MMRN2: variants seen among roughly 807,000 people sequenced by gnomAD.
The protein encoded by MMRN2 is multimerin-2.
Under a neutral mutation model 68.8 loss-of-function variants are expected in MMRN2, and 53 were observed. That is an observed-to-expected ratio of 0.77 (90% CI 0.62 to 0.97). The LOEUF (loss-of-function observed/expected upper bound fraction) is 0.97, where lower values mean the gene tolerates loss of function less well. MMRN2 is among the 50% of genes least tolerant of loss of function. The pLI, the probability that MMRN2 is intolerant of heterozygous loss-of-function variation, is 0.00. For missense variants in MMRN2, 1,266 were observed against 1,259.5 expected, an observed-to-expected ratio of 1.01 and a Z score of -0.08; for synonymous variants, 564 against 551.6, an observed-to-expected ratio of 1.02 and a Z score of -0.32.
chr10:86,945,920 C>G (rs557262791), intron 1 of MMRN2: 1 of 1,238,906 alleles, frequency 8.1e-7, no homozygotes, highest in Non-Finnish European at 1.1e-6. Context: ...GAAGCCTCCC[C>G]GAGCCAGCAG....
chr10:86,939,160 CAAAAA>C (rs71019439), intron 6 of MMRN2, among the ~76,000 whole-genome samples: 19 of 96,478 alleles, frequency 2.0e-4, no homozygotes, highest in Non-Finnish European at 2.8e-4. Context: ...GAAACTCCGT[CAAAAA>C]AAAAAAAAAA....
Position 86,936,374 on chromosome 10 carries a change from GAA to G in MMRN2, c.*367_*368del. 1 of 438,936 alleles carries G rather than the reference GAA, an allele frequency of 2.3e-6. No homozygotes were observed. Among genetic ancestry groups the G allele is most frequent in the South Asian group, 8.4e-5 (1 of 11,880 alleles). 27.2% of individuals were successfully genotyped at this position (438,936 alleles called of 1,614,324 possible). On this transcript the variant is annotated 3_prime_UTR_variant, in exon 7 of 7. Coordinates refer to ENST00000372027, the MANE Select transcript of MMRN2 (RefSeq NM_024756.3). ...AGGGAGAAGAGAAGAGGAAGCAAGA[GAA>G]AAGTTTAAAGTGTTGTACAGAAGTT...
intron 1 of MMRN2, chr10:86,949,059 C>T (rs1844109057): frequency 6.6e-6 from 1 of 152,202 alleles, no homozygotes; most frequent in African/African-American, 2.4e-5. Flanking sequence ...TACATCAAAA[C>T]ATGTCATATG....
chr10:86,957,314 G>C, intron 1 of MMRN2, 64 bp downstream of exon 1: 1 of 1,555,322 alleles, frequency 6.4e-7, no homozygotes, highest in Non-Finnish European at 8.9e-7. Context: ...GAGAGGCTCT[G>C]CTCTAGCTGA....
Position 86,936,304 on chromosome 10 carries a change from T to C in MMRN2, c.*439A>G, listed in dbSNP as rs1843877288. ...ATGTTGGCCAAAATGTTGCCTCCAT[T>C]TTAAACATTCCTCCTGGGGAAGAAT... On this transcript the variant is annotated 3_prime_UTR_variant, in exon 7 of 7. Transcript: ENST00000372027. 1 of 421,936 alleles carries C rather than the reference T, an allele frequency of 2.4e-6. No homozygotes were observed. Among genetic ancestry groups the C allele is most frequent in the Non-Finnish European group, 4.2e-6 (1 of 239,670 alleles). 26.1% of individuals were successfully genotyped at this position (421,936 alleles called of 1,614,324 possible). A position where few individuals can be genotyped will look rare whatever the true frequency, so the allele number is the denominator to read the frequency against.
chr10:86,941,131 T>C (rs1294085683), intron 6 of MMRN2, among the ~76,000 whole-genome samples: 1 of 152,188 alleles, frequency 6.6e-6, no homozygotes, highest in East Asian at 1.9e-4. Context: ...GATGGGCCAT[T>C]GTGGTAAAGC....
rs1232951051 is a variant in MMRN2, at chr10:86,943,087, C to T, written c.1697G>A (p.Ser566Asn). The T allele has an allele frequency of 6.3e-5, 92 of 1,449,114 alleles. No individual in the cohort carries two copies. Among genetic ancestry groups the T allele is most frequent in the Non-Finnish European group, 8.2e-5 (91 of 1,110,256 alleles). The allele number at this position is 1,449,114 out of a possible 1,614,324, so 89.8% of individuals were successfully genotyped here. The change falls in exon 6 of 7, where the codon AGC becomes AAC. Residue 566 changes from serine (S) to asparagine (N), a missense_variant. Ser to Asn is a conservative substitution (Grantham distance 46). Coordinates refer to ENST00000372027, the MANE Select transcript of MMRN2 (RefSeq NM_024756.3). The surrounding 1 kb of genome is among the most constrained non-coding windows in gnomAD (Gnocchi z 4.2). Reference protein sequence around the residue: ...RARAATSRLRSQVQALDDEVG... With the variant: ...RARAATSRLRNQVQALDDEVG... Reference sequence around the variant, plus strand: ...CTCGTCATCCAGCGCCTGCACTTGGCTCCGGAGCCGCGACGTGGCCGCCCG... The same window carrying T: ...CTCGTCATCCAGCGCCTGCACTTGGTTCCGGAGCCGCGACGTGGCCGCCCG...
chr10:86,950,627 G>A (rs1844133863), intron 1 of MMRN2, among the ~76,000 whole-genome samples: 1 of 152,160 alleles, frequency 6.6e-6, no homozygotes. Flanking sequence ...GAACACACCT[G>A]GAGGCTCTGG....
intron 1 of MMRN2, among the ~76,000 whole-genome samples, chr10:86,946,836 C>T (rs1027924709): frequency 9.2e-5 from 14 of 152,152 alleles, no homozygotes; most frequent in Non-Finnish European, 1.9e-4. Flanking sequence ...CCAGGGAGAG[C>T]GGGCACTCTT....
intron 6 of MMRN2, among the ~76,000 whole-genome samples, chr10:86,939,497 T>A (rs1434709905): frequency 3.6e-4 from 49 of 135,426 alleles, no homozygotes; most frequent in African/African-American, 1.3e-3. Context: ...AAAAAAAGAT[T>A]GTGCCCAAGT....
Position 86,957,494 on chromosome 10 carries a change from C to T in MMRN2, c.48G>A (p.Gly16=), listed in dbSNP as rs773902733. The change falls in exon 1 of 7, where the codon GGG becomes GGA. Residue 16 remains glycine (G), a synonymous_variant. Coordinates refer to ENST00000372027, the MANE Select transcript of MMRN2 (RefSeq NM_024756.3). ...AAGCCTGGGCCCATGCCCCCAGCAG[C>T]CCCCAGCCCAGGGGGCCCCCAAGGC... ...LFSLGGPLGW[G]LLGAWAQASS... is the part of the protein sequence containing the mutation. The T allele has an allele frequency of 5.0e-6, 8 of 1,613,038 alleles. No homozygotes were observed. Among genetic ancestry groups the T allele is most frequent in the Non-Finnish European group, 6.8e-6 (8 of 1,179,934 alleles).
chr10:86,951,720 T>G (rs972921566), intron 1 of MMRN2, among the ~76,000 whole-genome samples: 1 of 152,066 alleles, frequency 6.6e-6, no homozygotes, highest in African/African-American at 2.4e-5. Flanking sequence ...AAAATCATTT[T>G]CATCAGGAAG....
rs146064149 is a variant in MMRN2 at position 86,944,262 on chromosome 10, C to G, written c.655G>C (p.Glu219Gln). Residue 219 changes from glutamate (E) to glutamine (Q), a missense_variant and splice_region_variant, in exon 5 of 7, where the codon GAG becomes CAG. Transcript: ENST00000372027. Reference protein sequence around the residue: ...AVMEANQTGHEFPDRSLEQVL... With the variant: ...AVMEANQTGHQFPDRSLEQVL... ...TCAGCCCCTAGAGCCTGCCACTCAC[C>G]GTGCCCTGTTTGATTTGCTTCCATC... The G allele has an allele frequency of 1.2e-5, 20 of 1,605,132 alleles. No individual in the cohort carries two copies. In the African/African-American group the frequency reaches 2.1e-4, roughly 17 times the overall value.
In MMRN2 at chr10:86,937,069, CT is replaced by C; in HGVS notation, c.2523del (p.Val842Ter). The C allele has an allele frequency of 6.2e-7, 1 of 1,614,240 alleles. No homozygotes were observed. On this transcript the variant is annotated frameshift_variant, in exon 7 of 7. Transcript: ENST00000372027. LOFTEE classifies it low-confidence loss of function (END_TRUNC). Reference protein sequence around the residue: ...SFSEGTAALQTVKFNTTYINI... With the variant: ...SFSEGTAALQXVKFNTTYINI... ...TTGATGTATGTGGTGTTGAACTTCA[CT>C]GTCTGCAGGGCAGCCGTCCCTTCTG...
Position 86,941,827 on chromosome 10 carries a change from GAAAAAAAAAACA to G in MMRN2, c.2467+478_2467+489del, listed in dbSNP as rs1454068909. Among the ~76,000 whole-genome samples, 23 of 135,276 alleles carry G rather than the reference GAAAAAAAAAACA, an allele frequency of 1.7e-4. No homozygotes were observed. The East Asian group carries it at 4.0e-3, about 23-fold the overall frequency. 88.7% of individuals were successfully genotyped at this position (135,276 alleles called of 152,430 possible). On this transcript the variant is annotated intron_variant, in intron 6 of 6. Coordinates refer to ENST00000372027, the MANE Select transcript of MMRN2 (RefSeq NM_024756.3). ...AAAAAAAAAAAAAAGAAAAGAAAAAGAAAAAAAAAACAAAAAAAAAACTAAAATCATGGAAAA... is the reference window on the plus strand; with the variant it reads ...AAAAAAAAAAAAAAGAAAAGAAAAAGAAAAAAAAACTAAAATCATGGAAAA...
chr10:86,942,592 T>TCAAGG lies in MMRN2; in HGVS notation c.2191_2192insCCTTG (p.His731ProfsTer49). 1 of 1,610,900 alleles carries TCAAGG rather than the reference T, an allele frequency of 6.2e-7. No homozygotes were observed. Among genetic ancestry groups the TCAAGG allele is most frequent in the Non-Finnish European group, 8.5e-7 (1 of 1,179,830 alleles). Reference sequence around the variant, plus strand: ...GGCGAAGAGTGCGTTGTGGAGGCCGTGAAGGGAGGCGTTGAGGGAGGCGGC... The same window carrying TCAAGG: ...GGCGAAGAGTGCGTTGTGGAGGCCGTCAAGGGAAGGGAGGCGTTGAGGGAGGCGGC... On this transcript the variant is annotated frameshift_variant, in exon 6 of 7. Transcript: ENST00000372027. LOFTEE classifies it high-confidence loss of function.
intron 1 of MMRN2, among the ~76,000 whole-genome samples, chr10:86,956,493 GGGGGCAGGA>G (rs1844233799): frequency 6.6e-6 from 1 of 152,226 alleles, no homozygotes; most frequent in South Asian, 2.1e-4. Flanking sequence ...TCTGGTGTGT[GGGGGCAGGA>G]GGGTGGAGGT....
Position 86,942,354 on chromosome 10 carries a change from A to G in MMRN2, c.2430T>C (p.Pro810=). The G allele has an allele frequency of 6.2e-7, 1 of 1,613,728 alleles. No homozygotes were observed. The highest frequency in any genetic ancestry group is 8.5e-7 in the Non-Finnish European group (1 of 1,179,806). Residue 810 remains proline, a synonymous_variant, in exon 6 of 7, where the codon CCT becomes CCC. Coordinates refer to ENST00000372027, the MANE Select transcript of MMRN2 (RefSeq NM_024756.3). Reference sequence around the variant, plus strand: ...GCGCCGCGCCCAAGGCACCTGGCACAGGCCCTGTGACCCGTATGTCCACCA... The same window carrying G: ...GCGCCGCGCCCAAGGCACCTGGCACGGGCCCTGTGACCCGTATGTCCACCA... ...EPLVDIRVTG[P]VPGALGAALW...
intron 6 of MMRN2, among the ~76,000 whole-genome samples, chr10:86,939,232 G>A (rs1193764576): frequency 6.6e-6 from 1 of 151,712 alleles, no homozygotes; most frequent in Non-Finnish European, 1.5e-5. Context: ...GGAAGGCCGA[G>A]GTGGGCGGAT....
Sources: gnomAD v4.1 joint callset for allele counts (sites outside exome capture counted in the v4.1 genomes callset) on GRCh38, gnomAD v4.1.1 for gene constraint, Gnocchi (gnomAD v3.1) non-coding constraint, MANE v1.5 for transcripts, NCBI Gene and HGNC (gene_info 2026-07-23, HGNC 2026-07-21) for gene names.